NOL4: variants seen among roughly 807,000 people sequenced by gnomAD.
The protein encoded by NOL4 is cancer/testis antigen 125.
NOL4 carries 17 observed loss-of-function variants against 75.9 expected under a neutral mutation model. That is an observed-to-expected ratio of 0.22 (90% confidence interval 0.15 to 0.34). NOL4 has a LOEUF of 0.34. Among genes scored for constraint, NOL4 ranks in the 10% least tolerant of loss-of-function variants. The pLI, the probability that NOL4 is intolerant of heterozygous loss-of-function variation, is 1.00. For synonymous variants in NOL4, 292 were observed against 289.9 expected, an observed-to-expected ratio of 1.01 and a Z score of -0.07; for missense variants, 614 against 793.5, an observed-to-expected ratio of 0.77 and a Z score of 2.72.
intron 5 of NOL4, among the ~76,000 whole-genome samples, chr18:34,028,586 C>T (rs766646271): frequency 1.2e-4 from 19 of 152,126 alleles, no homozygotes; most frequent in African/African-American, 3.9e-4. Flanking sequence ...GCAGCCAGAC[C>T]GGAAAAATGA....
chr18:34,222,888 C>G, intron 1 of NOL4, 102 bp downstream of exon 1: 1 of 1,486,554 alleles, frequency 6.7e-7, no homozygotes, highest in Non-Finnish European at 9.1e-7. Context: ...GCACACGAGC[C>G]AACGGCGGCT....
chr18:34,017,043 C>T (rs1407289859), intron 6 of NOL4, among the ~76,000 whole-genome samples: 1 of 152,046 alleles, frequency 6.6e-6, no homozygotes, highest in Non-Finnish European at 1.5e-5. Context: ...ATCTGCATTC[C>T]AGGCCCTTCA....
intron 1 of NOL4, among the ~76,000 whole-genome samples, chr18:34,181,920 T>C (rs1036099574): frequency 4.0e-5 from 6 of 151,518 alleles, no homozygotes; most frequent in African/African-American, 1.2e-4. Context: ...TGTTAGCATG[T>C]TAGGATGTGG....
chr18:33,927,351 A>G (rs1025894909), intron 9 of NOL4, among the ~76,000 whole-genome samples: 1 of 152,196 alleles, frequency 6.6e-6, no homozygotes, highest in Non-Finnish European at 1.5e-5. Flanking sequence ...CCATATTCCT[A>G]TCATTTTTCT....
intron 6 of NOL4, among the ~76,000 whole-genome samples, chr18:33,959,058 G>C (rs754253930): frequency 3.9e-5 from 6 of 152,026 alleles, no homozygotes; most frequent in Non-Finnish European, 8.8e-5. Context: ...TGGGAACCGG[G>C]TTTCTTCCTA....
In NOL4 at chr18:33,893,985, T is replaced by G. The variant is rs1012749228; in HGVS notation, c.1543-10561A>C. Among the ~76,000 whole-genome samples, 11 of 152,288 alleles carry G rather than the reference T, an allele frequency of 7.2e-5. No individual in the cohort carries two copies. The East Asian group carries it at 2.1e-3, about 29-fold the overall frequency. ...CTACTGGACTTCTCCTGCCCTTACA[T>G]GCTCTTTGTAATCTATATGAAAAAG... On this transcript the variant is annotated intron_variant, in intron 9 of 10. Coordinates refer to ENST00000261592, the MANE Select transcript of NOL4 (RefSeq NM_003787.5).
At chr18:33,960,745 C>A (rs1393827930) in intron 6 of NOL4, among the ~76,000 whole-genome samples, 1 of 152,138 alleles carries the variant, frequency 6.6e-6, no homozygotes, top group East Asian at 1.9e-4. Context: ...TGAACCCATG[C>A]AGTTTGGCTC....
Position 33,961,290 on chromosome 18 carries a change from C to T in NOL4, c.1057-2872G>A, listed in dbSNP as rs1052155829. ...AGTGGAAGTGGTGGATTCACTAAAA[C>T]GGATTGTTCTTCACAGTGTGTGTGT... is the stretch of plus-strand genomic sequence containing the variant. On this transcript the variant is annotated intron_variant, in intron 6 of 10. Coordinates refer to ENST00000261592, the MANE Select transcript of NOL4 (RefSeq NM_003787.5). Among the ~76,000 whole-genome samples the T allele has an allele frequency of 2.0e-5, 3 of 152,012 alleles. No homozygotes were observed. In the South Asian group the frequency reaches 6.2e-4, roughly 32 times the overall value.
At chr18:34,191,039 C>G (rs2034873751) in intron 1 of NOL4, among the ~76,000 whole-genome samples, 3 of 151,864 alleles carry the variant, frequency 2.0e-5, no homozygotes, top group Non-Finnish European at 2.9e-5. Flanking sequence ...AGCAAATAAA[C>G]TTTAGTTTGA....
At chr18:34,049,809 G>A (rs1456478255) in intron 5 of NOL4, among the ~76,000 whole-genome samples, 1 of 152,092 alleles carries the variant, frequency 6.6e-6, no homozygotes, top group Non-Finnish European at 1.5e-5. Flanking sequence ...GAGCGAACAG[G>A]ACTTTATGGA....
At chr18:34,179,460 T>G (rs944661291) in intron 1 of NOL4, among the ~76,000 whole-genome samples, 2 of 151,470 alleles carry the variant, frequency 1.3e-5, no homozygotes, top group Non-Finnish European at 3.0e-5. Context: ...AGATACATCT[T>G]TAGCTAGAAT....
Position 33,958,269 on chromosome 18 carries a change from G to C in NOL4, c.1206C>G (p.Gly402=). The C allele has an allele frequency of 1.2e-6, 2 of 1,613,548 alleles. No individual in the cohort carries two copies. Among genetic ancestry groups the C allele is most frequent in the South Asian group, 1.1e-5 (1 of 91,032 alleles). ...DDSEKVNETD[G]VEAERLKAFN... ...AAGCTTTCAGCCGCTCGGCTTCAAC[G>C]CCGTCTGTCTCATTAACTTTCTCCG... is the stretch of plus-strand genomic sequence containing the variant. Residue 402 remains glycine (G), a synonymous_variant, in exon 7 of 11, where the codon GGC becomes GGG. Transcript: ENST00000261592.
At chr18:34,157,529 C>T (rs1219513068) in intron 1 of NOL4, among the ~76,000 whole-genome samples, 1 of 150,486 alleles carries the variant, frequency 6.6e-6, no homozygotes, top group Non-Finnish European at 1.5e-5. Context: ...GAAAAGTTTG[C>T]ACAAGATAAC....
intron 1 of NOL4, among the ~76,000 whole-genome samples, chr18:34,198,224 CT>C (rs1418826865): frequency 1.3e-5 from 2 of 151,748 alleles, no homozygotes; most frequent in Non-Finnish European, 3.0e-5. Context: ...TTAGTTTCTA[CT>C]TTTTTTATTA....
At chr18:34,035,591 G>A (rs987580122) in intron 5 of NOL4, among the ~76,000 whole-genome samples, 4 of 150,282 alleles carry the variant, frequency 2.7e-5, no homozygotes, top group Admixed American at 2.0e-4. Context: ...GGAAAAGCAA[G>A]AATAAACTAA....
chr18:34,045,861 A>G (rs7227254), intron 5 of NOL4, among the ~76,000 whole-genome samples: 57,110 of 151,962 alleles, frequency 0.38, 11,095 homozygotes, highest in East Asian at 0.51. Flanking sequence ...ACGTGTTCAT[A>G]TTATAGTATT....
chr18:34,028,219 C>T (rs1363995756), intron 5 of NOL4, among the ~76,000 whole-genome samples: 8 of 152,248 alleles, frequency 5.3e-5, no homozygotes, highest in African/African-American at 1.9e-4. Context: ...TCTATAAAAT[C>T]TTTCCTTGGA....
intron 5 of NOL4, among the ~76,000 whole-genome samples, chr18:34,021,301 T>A (rs551133974): frequency 6.6e-6 from 1 of 152,298 alleles, no homozygotes; most frequent in South Asian, 2.1e-4. Context: ...ATGAGTTGAA[T>A]TCTCAAAGGT....
At chr18:34,006,918 A>C (rs1408544253) in intron 6 of NOL4, among the ~76,000 whole-genome samples, 1 of 151,976 alleles carries the variant, frequency 6.6e-6, no homozygotes, top group African/African-American at 2.4e-5. Context: ...CTTTGATAGC[A>C]GGATTTATGA....
Sources: allele counts gnomAD v4.1 joint callset (sites outside exome capture counted in the v4.1 genomes callset), GRCh38; gene constraint gnomAD v4.1.1; transcripts MANE v1.5; gene names NCBI Gene and HGNC (gene_info 2026-07-23, HGNC 2026-07-21).